The following PIP4K2A variants were observed in gnomAD, a reference collection of about 807,000 sequenced individuals.
PIP4K2A encodes the protein phosphatidylinositol-5-phosphate 4-kinase type 2 alpha.
A neutral mutation model predicts 42.9 loss-of-function variants in PIP4K2A; 14 were observed. The ratio of observed to expected loss-of-function variants is 0.33; its 90% confidence interval spans 0.22 to 0.51. The LOEUF is 0.51. Among genes scored for constraint, PIP4K2A ranks in the 20% least tolerant of loss-of-function variants. The pLI is 0.97. For synonymous variants in PIP4K2A, 192 were observed against 192.2 expected, an observed-to-expected ratio of 1.00 and a Z score of 0.01; for missense variants, 434 against 519.8, an observed-to-expected ratio of 0.83 and a Z score of 1.61.
chr10:22,579,404 T>C (rs1332092063), intron 4 of PIP4K2A, among the ~76,000 whole-genome samples: 1 of 152,222 alleles, frequency 6.6e-6, no homozygotes, highest in South Asian at 2.1e-4. Context: ...CTTAAAATTC[T>C]CTCAACTTCC....
At chr10:22,607,899 G>C in intron 3 of PIP4K2A, 28 bp downstream of exon 3, 1 of 1,455,860 alleles carries the variant, frequency 6.9e-7, no homozygotes, top group Non-Finnish European at 9.6e-7. Context: ...ATTTCCTACT[G>C]GAAGCAAATG....
chr10:22,596,095 C>A (rs192348092), intron 3 of PIP4K2A, among the ~76,000 whole-genome samples: 215 of 148,402 alleles, frequency 1.4e-3, no homozygotes, highest in Middle Eastern at 7.1e-3. Context: ...ATCCCAGCTA[C>A]TCGGGAGGCT....
chr10:22,650,383 G>A (rs1838969700), intron 1 of PIP4K2A, among the ~76,000 whole-genome samples: 1 of 152,170 alleles, frequency 6.6e-6, no homozygotes, highest in Non-Finnish European at 1.5e-5. Flanking sequence ...AGCCTCCGGA[G>A]TAGCTGGGAC....
At chr10:22,553,637 G>A (rs1480754729) in intron 6 of PIP4K2A, among the ~76,000 whole-genome samples, 1 of 152,124 alleles carries the variant, frequency 6.6e-6, no homozygotes, top group Admixed American at 6.6e-5. Context: ...ATTCTGCTAA[G>A]GTAGAGTTGT....
At chr10:22,669,408 C>T (rs1367019086) in intron 1 of PIP4K2A, among the ~76,000 whole-genome samples, 4 of 152,050 alleles carry the variant, frequency 2.6e-5, no homozygotes, top group Non-Finnish European at 4.4e-5. Context: ...CCTAACAACA[C>T]ATTTCTCAGA....
intron 4 of PIP4K2A, among the ~76,000 whole-genome samples, chr10:22,581,697 C>T (rs976451128): frequency 2.0e-5 from 3 of 152,122 alleles, no homozygotes; most frequent in South Asian, 2.1e-4. Flanking sequence ...TAATAGCTTC[C>T]GTTAATTCTA....
chr10:22,703,547 A>G (rs12257665), intron 1 of PIP4K2A, among the ~76,000 whole-genome samples: 47,954 of 152,156 alleles, frequency 0.32, 7,916 homozygotes, highest in Middle Eastern at 0.38. Flanking sequence ...GGAATCATGA[A>G]GAGGGTGTTA....
At chr10:22,589,424 A>C (rs1770672161) in intron 4 of PIP4K2A, among the ~76,000 whole-genome samples, 1 of 152,262 alleles carries the variant, frequency 6.6e-6, no homozygotes, top group African/African-American at 2.4e-5. Context: ...CAGTAGCATA[A>C]GCAGTGTAGA....
intron 1 of PIP4K2A, among the ~76,000 whole-genome samples, chr10:22,677,395 G>A (rs1839580111): frequency 6.6e-6 from 1 of 152,228 alleles, no homozygotes; most frequent in Non-Finnish European, 1.5e-5. Flanking sequence ...GCTAGCGCGA[G>A]GGTCTGCTTA....
chr10:22,579,955 T>C (rs2130805098), intron 4 of PIP4K2A, among the ~76,000 whole-genome samples: 1 of 151,560 alleles, frequency 6.6e-6, no homozygotes, highest in East Asian at 1.9e-4. Context: ...AGACAACCCA[T>C]TCTGATGAAT....
chr10:22,590,449 T>C (rs1413083406), intron 4 of PIP4K2A, among the ~76,000 whole-genome samples: 3 of 152,224 alleles, frequency 2.0e-5, no homozygotes, highest in Non-Finnish European at 2.9e-5. Flanking sequence ...CCACCACACA[T>C]TGAGTATCTA....
chr10:22,657,690 G>C (rs1355201838), intron 1 of PIP4K2A, among the ~76,000 whole-genome samples: 3 of 152,202 alleles, frequency 2.0e-5, no homozygotes, highest in Non-Finnish European at 4.4e-5. Flanking sequence ...ACAAAGACTT[G>C]ATGTCATAGC....
intron 1 of PIP4K2A, among the ~76,000 whole-genome samples, chr10:22,650,825 A>G (rs1838978334): frequency 7.5e-6 from 1 of 134,214 alleles, no homozygotes; most frequent in African/African-American, 3.2e-5. Flanking sequence ...TTCTTTTTGG[A>G]AATCTACTGG....
intron 4 of PIP4K2A, among the ~76,000 whole-genome samples, chr10:22,583,227 A>T (rs557954401): frequency 6.6e-6 from 1 of 152,356 alleles, no homozygotes; most frequent in African/African-American, 2.4e-5. Context: ...AAAAGCACAG[A>T]ATGGCTGCTC....
At chr10:22,539,912 G>GGAGAGAGAGAGAGAGAGA in intron 9 of PIP4K2A, 59 bp downstream of exon 9, 1 of 450,972 alleles carries the variant, frequency 2.2e-6, no homozygotes. Flanking sequence ...AGAGAGAGAG[G>GGAGAGAGAGAGAGAGAGA]GAGAGAGAGA....
At chr10:22,689,729 T>C (rs950225638) in intron 1 of PIP4K2A, among the ~76,000 whole-genome samples, 2 of 152,164 alleles carry the variant, frequency 1.3e-5, no homozygotes, top group African/African-American at 4.8e-5. Flanking sequence ...GGCTTCAATT[T>C]GGAATTGTAA....
chr10:22,623,737 A>G lies in PIP4K2A; in HGVS notation c.145-14020T>C, dbSNP rs115929434. ...TAACTAAGCTAAAGCAACGCTCACA[A>G]AACAGGTAAGTGCTTAAGAGGATGC... is the stretch of plus-strand genomic sequence containing the variant. On this transcript the variant is annotated intron_variant, in intron 1 of 9. Transcript: ENST00000376573. Among the ~76,000 whole-genome samples, 599 of 152,302 alleles carry G rather than the reference A, an allele frequency of 3.9e-3. 3 individuals carry two copies. The highest frequency in any genetic ancestry group is 0.014 in the African/African-American group (568 of 41,552).
intron 6 of PIP4K2A, among the ~76,000 whole-genome samples, chr10:22,563,315 T>C (rs1836755707): frequency 6.6e-6 from 1 of 152,228 alleles, no homozygotes; most frequent in African/African-American, 2.4e-5. Context: ...ATTCTAATGT[T>C]TGCACAGTGT....
chr10:22,606,942 A>G (rs866706903), intron 3 of PIP4K2A, among the ~76,000 whole-genome samples: 1 of 152,246 alleles, frequency 6.6e-6, no homozygotes, highest in South Asian at 2.1e-4. Flanking sequence ...TATCTATTTC[A>G]TATACACCTT....
Sources: gnomAD v4.1 joint callset for allele counts (sites outside exome capture counted in the v4.1 genomes callset) on GRCh38, gnomAD v4.1.1 for gene constraint, MANE v1.5 for transcripts, NCBI Gene and HGNC (gene_info 2026-07-23, HGNC 2026-07-21) for gene names.